Variants in EGLN1 observed in about 807,000 individuals in gnomAD.
EGLN1 encodes egl-9 family hypoxia inducible factor 1, also known as egl nine homolog 1.
In EGLN1, 17 loss-of-function variants were observed where a neutral mutation model predicts 38.3. The observed-to-expected ratio is 0.44, with a 90% CI of 0.30 to 0.67. The LOEUF (loss-of-function observed/expected upper bound fraction) is 0.67. Among genes scored for constraint, EGLN1 ranks in the 30% least tolerant of loss-of-function variants. The pLI, the probability that EGLN1 is intolerant of heterozygous loss-of-function variation, is 0.08. For synonymous variants in EGLN1, 283 were observed against 257.5 expected (o/e 1.10, Z -0.95); for missense variants, 477 against 603.3 (o/e 0.79, Z 2.19).
At chr1:231,416,139 C>T (rs1468147387) in intron 1 of EGLN1, among the ~76,000 whole-genome samples, 1 of 152,104 alleles carries the variant, frequency 6.6e-6, no homozygotes, top group African/African-American at 2.4e-5. Context: ...GCGTGAGCCA[C>T]CGCACCTGGC....
At chr1:231,384,291 A>G (rs1688140474) in intron 1 of EGLN1, among the ~76,000 whole-genome samples, 1 of 152,188 alleles carries the variant, frequency 6.6e-6, no homozygotes, top group East Asian at 1.9e-4. Context: ...CTTAATAGAA[A>G]AGATACAAAG....
chr1:231,420,697 T>C (rs1280798614), intron 1 of EGLN1, among the ~76,000 whole-genome samples: 2 of 151,910 alleles, frequency 1.3e-5, no homozygotes, highest in Admixed American at 6.5e-5. Flanking sequence ...TTGTGACCAA[T>C]AGTGGAATGG....
chr1:231,421,474 C>T lies in EGLN1; in HGVS notation c.415G>A (p.Ala139Thr). ...AAAGGQGSAVAAEAEPGKEEP... is the reference protein window; with the variant it reads ...AAAGGQGSAVTAEAEPGKEEP... ...TCCTTGCCGGGCTCGGCTTCGGCAG[C>T]CACCGCCGAGCCCTGGCCGCCGGCG... Residue 139 changes from alanine (A) to threonine (T), a missense_variant, in exon 1 of 5, where the codon GCT becomes ACT. Transcript: ENST00000366641. This position sits in a 1 kb window ranked among gnomAD's most constrained non-coding sequence, Gnocchi z 5.5. 6.9e-7 allele frequency: 1 copy of T among 1,450,620 alleles called. No homozygotes were observed. The highest frequency in any genetic ancestry group is 9.1e-7 in the Non-Finnish European group (1 of 1,101,824). 89.9% of individuals were successfully genotyped at this position (1,450,620 alleles called of 1,614,324 possible). A position where few individuals can be genotyped will look rare whatever the true frequency, so the allele number is the denominator to read the frequency against.
chr1:231,397,827 AG>A (rs905550022), intron 1 of EGLN1, among the ~76,000 whole-genome samples: 1 of 152,214 alleles, frequency 6.6e-6, no homozygotes, highest in Admixed American at 6.5e-5. Flanking sequence ...AGAAATATAC[AG>A]GGGCCAAATA....
intron 1 of EGLN1, among the ~76,000 whole-genome samples, chr1:231,400,017 G>A (rs1342309037): frequency 3.9e-5 from 6 of 151,972 alleles, no homozygotes; most frequent in African/African-American, 1.2e-4. Context: ...TAGAAGCCTT[G>A]GGGAAAAAGG....
Position 231,375,238 on chromosome 1 carries a change from T to C in EGLN1, c.892-1139A>G, listed in dbSNP as rs369224843. Among the ~76,000 whole-genome samples the C allele has an allele frequency of 1.3e-3, 204 of 152,280 alleles. 1 individual carries two copies. The highest frequency in any genetic ancestry group is 4.8e-3 in the African/African-American group (199 of 41,552). On this transcript the variant is annotated intron_variant, in intron 1 of 4. Transcript: ENST00000366641. ...GCCCGGCTAATTTTTGTATTTTTAG[T>C]AGATACAGGGTTTCACCATGTTGGC...
rs899734016 is a variant in EGLN1, at chr1:231,421,934, G to A, written c.-46C>T. On this transcript the variant is annotated 5_prime_UTR_variant, in exon 1 of 5. Transcript: ENST00000366641. This position sits in a 1 kb window ranked among gnomAD's most constrained non-coding sequence, Gnocchi z 5.5. Reference sequence around the variant, plus strand: ...CGGCGACTGCGGCGGCCGAGCAGGAGGGGTAGCGGCCGGACGGCCTCGCCC... The same window carrying A: ...CGGCGACTGCGGCGGCCGAGCAGGAAGGGTAGCGGCCGGACGGCCTCGCCC... The A allele has an allele frequency of 1.2e-5, 16 of 1,353,770 alleles. No homozygotes were observed. Among genetic ancestry groups the A allele is most frequent in the East Asian group, 3.1e-5 (1 of 32,032 alleles). 83.9% of individuals were successfully genotyped at this position (1,353,770 alleles called of 1,614,324 possible). A position where few individuals can be genotyped will look rare whatever the true frequency, so the allele number is the denominator to read the frequency against.
rs961698101 is a variant in EGLN1, at chr1:231,364,064, T to C, written c.*2347A>G. 6.6e-6 allele frequency: 1 copy of C among 152,202 alleles called. No individual in the cohort carries two copies. The highest frequency in any genetic ancestry group is 6.5e-5 in the Admixed American group (1 of 15,284). 9.4% of individuals were successfully genotyped at this position (152,202 alleles called of 1,614,324 possible). A position where few individuals can be genotyped will look rare whatever the true frequency, so the allele number is the denominator to read the frequency against. On this transcript the variant is annotated 3_prime_UTR_variant, in exon 5 of 5. Transcript: ENST00000366641. ...AGTTAATAGTCCCACTAACATGAAA[T>C]GAATGGATATTAAATAAATGGCCAT...
intron 1 of EGLN1, among the ~76,000 whole-genome samples, chr1:231,408,441 G>A (rs1207785493): frequency 6.6e-6 from 1 of 152,126 alleles, no homozygotes; most frequent in Non-Finnish European, 1.5e-5. Flanking sequence ...GAATCAAATT[G>A]TATCCTTAGC....
intron 1 of EGLN1, among the ~76,000 whole-genome samples, chr1:231,387,561 G>A (rs959153034): frequency 3.3e-5 from 5 of 151,734 alleles, no homozygotes; most frequent in Admixed American, 2.0e-4. Context: ...GGGTTTCGCC[G>A]TGTTAGCCAG....
intron 1 of EGLN1, among the ~76,000 whole-genome samples, chr1:231,394,300 A>G (rs1444549215): frequency 6.6e-6 from 1 of 152,028 alleles, no homozygotes; most frequent in African/African-American, 2.4e-5. Context: ...ATTTCTGGTC[A>G]GGTTTGTTGA....
At position 231,366,348 on chromosome 1, in the gene EGLN1, T is replaced by TCACAAGTTAACAAATAGTTAACAA; in HGVS notation, c.*39_*62dup. ...TTTTCTTTATCCCATTTATTCGTAT[T>TCACAAGTTAACAAATAGTTAACAA]CACAAGTTAACAAATAGTTAACAAT... is the stretch of plus-strand genomic sequence containing the variant. On this transcript the variant is annotated 3_prime_UTR_variant, in exon 5 of 5. Transcript: ENST00000366641. 1 of 1,552,698 alleles carries TCACAAGTTAACAAATAGTTAACAA rather than the reference T, an allele frequency of 6.4e-7. No individual in the cohort carries two copies. Among genetic ancestry groups the TCACAAGTTAACAAATAGTTAACAA allele is most frequent in the Non-Finnish European group, 8.9e-7 (1 of 1,125,852 alleles).
Position 231,374,076 on chromosome 1 carries a change from G to A in EGLN1, c.915C>T (p.Gly305=). 1 of 1,613,268 alleles carries A rather than the reference G, an allele frequency of 6.2e-7. No homozygotes were observed. The highest frequency in any genetic ancestry group is 8.5e-7 in the Non-Finnish European group (1 of 1,179,462). ...CATGACGTACATAACCCGTTCCATTGCCCGGATAACAAGCAACCATGGCCT... is the reference window on the plus strand; with the variant it reads ...CATGACGTACATAACCCGTTCCATTACCCGGATAACAAGCAACCATGGCCT... The part of the protein sequence containing the change: ...RTKAMVACYP[G]NGTGYVRHVD... Residue 305 remains glycine, a synonymous_variant, in exon 2 of 5, where the codon GGC becomes GGT. Coordinates refer to ENST00000366641, the MANE Select transcript of EGLN1 (RefSeq NM_022051.3).
intron 1 of EGLN1, among the ~76,000 whole-genome samples, chr1:231,390,890 C>G (rs1688349084): frequency 6.6e-6 from 1 of 151,746 alleles, no homozygotes; most frequent in African/African-American, 2.4e-5. Context: ...CTCTGTCCCC[C>G]AGGCTGGAGA....
chr1:231,392,143 C>T (rs936420652), intron 1 of EGLN1, among the ~76,000 whole-genome samples: 1 of 151,926 alleles, frequency 6.6e-6, no homozygotes, highest in Admixed American at 6.6e-5. Context: ...AAAAATTAGC[C>T]GGATGTGGTG....
chr1:231,393,028 C>G (rs1308101723), intron 1 of EGLN1, among the ~76,000 whole-genome samples: 2 of 152,188 alleles, frequency 1.3e-5, no homozygotes, highest in Non-Finnish European at 2.9e-5. Flanking sequence ...AGAGGCAACT[C>G]CAGGATTTTT....
chr1:231,408,077 A>G (rs2790870), intron 1 of EGLN1, among the ~76,000 whole-genome samples: 79,391 of 152,076 alleles, frequency 0.52, 22,902 homozygotes, highest in Non-Finnish European at 0.64. Context: ...ACAGAATAGT[A>G]TAAAACCTTT....
At position 231,366,439 on chromosome 1, in the gene EGLN1, G is replaced by A. The variant is rs779990034; in HGVS notation, c.1253C>T (p.Ser418Leu). 3 of 1,613,708 alleles carry A rather than the reference G, an allele frequency of 1.9e-6. No homozygotes were observed. In the African/African-American group the frequency reaches 4.0e-5, roughly 22 times the overall value. ...GAAGACGTCTTTACCGACCGAATCT[G>A]AAGGTTTATTGAGTTCAACCCTCAC... ...KGVRVELNKP[S>L]DSVGKDVF Residue 418 changes from serine to leucine, a missense_variant, in exon 5 of 5, where the codon TCA becomes TTA. By Grantham distance (145) the Ser-to-Leu change is moderately radical (BLOSUM62 -2). This residue lies in a region of EGLN1 where 59 missense variants were observed against 119.0 expected (regional missense o/e 0.50). Coordinates refer to ENST00000366641, the MANE Select transcript of EGLN1 (RefSeq NM_022051.3).
intron 1 of EGLN1, among the ~76,000 whole-genome samples, chr1:231,396,051 AG>A (rs1688520243): frequency 6.6e-6 from 1 of 150,474 alleles, no homozygotes; most frequent in African/African-American, 2.4e-5. Context: ...AAAAAAAAAA[AG>A]GCAATAAATG....
Sources: gnomAD v4.1 joint callset for allele counts (sites outside exome capture counted in the v4.1 genomes callset) on GRCh38, gnomAD v4.1.1 for gene constraint, gnomAD v4.1.1 regional missense constraint, Gnocchi (gnomAD v3.1) non-coding constraint, MANE v1.5 for transcripts, NCBI Gene and HGNC (gene_info 2026-07-23, HGNC 2026-07-21) for gene names.